The following PTPRN2 variants were observed in gnomAD, a reference collection of about 807,000 sequenced individuals.
PTPRN2 encodes the protein protein tyrosine phosphatase receptor type N2, also known as receptor-type tyrosine-protein phosphatase N2.
Under a neutral mutation model 118.8 loss-of-function variants are expected in PTPRN2, and 74 were observed. The ratio of observed to expected loss-of-function variants is 0.62; its 90% confidence interval spans 0.52 to 0.76. PTPRN2 has a LOEUF of 0.76. Among genes scored for constraint, PTPRN2 ranks in the 30% least tolerant of loss-of-function variants. The probability of loss-of-function intolerance (pLI) is 0.00; values close to 1 mark genes in which losing one functional copy is unlikely to be tolerated. For missense variants in PTPRN2, 1,481 were observed against 1,394.4 expected (o/e 1.06, Z -0.99); for synonymous variants, 641 against 608.0 (o/e 1.05, Z -0.80).
intron 11 of PTPRN2, among the ~76,000 whole-genome samples, chr7:157,975,241 G>T (rs1802654466): frequency 6.6e-6 from 1 of 152,116 alleles, no homozygotes; most frequent in Non-Finnish European, 1.5e-5. Context: ...TCCACCCCAT[G>T]ATTCCAACCA....
intron 12 of PTPRN2, among the ~76,000 whole-genome samples, chr7:157,725,405 A>C (rs13308992): frequency 1.6e-3 from 32 of 20,544 alleles, no homozygotes; most frequent in Admixed American, 5.6e-3. Flanking sequence ...ATATCTACAC[A>C]CAGAGGAGTG....
chr7:157,759,119 C>T (rs1585396057), intron 12 of PTPRN2, among the ~76,000 whole-genome samples: 1 of 152,254 alleles, frequency 6.6e-6, no homozygotes, highest in African/African-American at 2.4e-5. Context: ...GCCCTTCAGA[C>T]CTGCCTGGGG....
rs1304808500 is a variant in PTPRN2 at position 157,944,429 on chromosome 7, A to G, written c.1724-45692T>C. ...TTGAATTAATGTGTTAAGTGGCACAAATATGTGTTTATCGAGAGAAACCTA... is the reference window on the plus strand; with the variant it reads ...TTGAATTAATGTGTTAAGTGGCACAGATATGTGTTTATCGAGAGAAACCTA... On this transcript the variant is annotated intron_variant, in intron 11 of 22. Transcript: ENST00000389418. This position sits in a 1 kb window ranked among gnomAD's most constrained non-coding sequence, Gnocchi z 4.3. 1.3e-5 allele frequency among the ~76,000 whole-genome samples: 2 copies of G among 152,206 alleles called. No homozygotes were observed. The highest frequency in any genetic ancestry group is 4.8e-5 in the African/African-American group (2 of 41,454).
At chr7:158,418,524 G>A (rs1203810693) in intron 2 of PTPRN2, among the ~76,000 whole-genome samples, 1 of 69,856 alleles carries the variant, frequency 1.4e-5, no homozygotes, top group African/African-American at 4.0e-5. Context: ...TTAAGTCACA[G>A]TGTACTACAT....
chr7:158,366,490 C>G (rs916059993), intron 2 of PTPRN2, among the ~76,000 whole-genome samples: 1 of 152,264 alleles, frequency 6.6e-6, no homozygotes, highest in Non-Finnish European at 1.5e-5. Context: ...AGCTGCAGCA[C>G]ATGTGTAAGC....
chr7:158,429,407 C>T (rs575211713), intron 2 of PTPRN2, among the ~76,000 whole-genome samples: 3 of 152,246 alleles, frequency 2.0e-5, no homozygotes, highest in African/African-American at 7.2e-5. Context: ...TTCTCCAGGA[C>T]CTTCCCGCCA....
chr7:158,141,451 G>A (rs1054627682), intron 6 of PTPRN2, among the ~76,000 whole-genome samples: 7 of 152,194 alleles, frequency 4.6e-5, no homozygotes, highest in Non-Finnish European at 7.3e-5. Context: ...CACTGCATAC[G>A]CAGGACAGGA....
intron 2 of PTPRN2, among the ~76,000 whole-genome samples, chr7:158,428,443 A>T (rs1253106657): frequency 6.6e-6 from 1 of 152,032 alleles, no homozygotes; most frequent in African/African-American, 2.4e-5. Context: ...AGAAAACTAA[A>T]ATTATTTGTA....
chr7:158,255,230 G>A (rs73176135), intron 3 of PTPRN2, among the ~76,000 whole-genome samples: 6,549 of 152,296 alleles, frequency 0.043, 207 homozygotes, highest in Middle Eastern at 0.09. Context: ...AAGACTTCAC[G>A]CGAGCACAGC....
chr7:158,150,416 G>A (rs1820857793), intron 6 of PTPRN2, among the ~76,000 whole-genome samples: 1 of 152,180 alleles, frequency 6.6e-6, no homozygotes, highest in Non-Finnish European at 1.5e-5. Flanking sequence ...ACCCTCAGCA[G>A]CTCGAAAAGT....
chr7:157,857,245 G>T (rs560745393), intron 12 of PTPRN2: 2 of 152,282 alleles, frequency 1.3e-5, no homozygotes, highest in African/African-American at 2.4e-5. Context: ...AGCTGGGCCC[G>T]TGTGGGGCGG....
chr7:158,113,640 A>C (rs1479949327), intron 9 of PTPRN2, among the ~76,000 whole-genome samples: 1 of 152,186 alleles, frequency 6.6e-6, no homozygotes, highest in East Asian at 1.9e-4. Context: ...CTAGCCTCAG[A>C]GCGCAGCTGC....
Position 158,534,126 on chromosome 7 carries a change from C to G in PTPRN2, c.113-44341G>C, listed in dbSNP as rs569418434. Among the ~76,000 whole-genome samples, 291 of 114,354 alleles carry G rather than the reference C, an allele frequency of 2.5e-3. 10 individuals carry two copies. The highest frequency in any genetic ancestry group is 9.0e-3 in the African/African-American group (278 of 30,776). 75.0% of individuals were successfully genotyped at this position (114,354 alleles called of 152,430 possible). On this transcript the variant is annotated intron_variant, in intron 1 of 22. Transcript: ENST00000389418. ...TGACCACCCACGCCCTGGGCTCCGT[C>G]AGGGATGGCTGTGGGTGCAGGTTGT...
chr7:158,101,079 A>T (rs1357011281), intron 10 of PTPRN2, among the ~76,000 whole-genome samples: 1 of 152,230 alleles, frequency 6.6e-6, no homozygotes, highest in Non-Finnish European at 1.5e-5. Flanking sequence ...AAGACTAAGC[A>T]AAAAGAACAA....
chr7:157,755,729 A>AG (rs1202557172), intron 12 of PTPRN2, among the ~76,000 whole-genome samples: 2 of 151,980 alleles, frequency 1.3e-5, no homozygotes, highest in African/African-American at 4.8e-5. Context: ...CCCCAGAGGG[A>AG]GGGGGTAGGA....
At chr7:158,363,497 G>A (rs1396959750) in intron 2 of PTPRN2, among the ~76,000 whole-genome samples, 4 of 152,174 alleles carry the variant, frequency 2.6e-5, no homozygotes, top group Non-Finnish European at 5.9e-5. Flanking sequence ...CAGCCCCGTC[G>A]AAGCCTGCAC....
chr7:158,289,268 G>A (rs1799956492), intron 3 of PTPRN2, among the ~76,000 whole-genome samples: 1 of 152,102 alleles, frequency 6.6e-6, no homozygotes, highest in East Asian at 1.9e-4. Context: ...CAGTCCCTTG[G>A]TCTCTCTTCT....
At chr7:157,891,090 A>G (rs1446544402) in intron 12 of PTPRN2, among the ~76,000 whole-genome samples, 1 of 152,164 alleles carries the variant, frequency 6.6e-6, no homozygotes, top group African/African-American at 2.4e-5. Context: ...GGGTGTGCAG[A>G]ACCAGGCATC....
At chr7:157,849,726 C>T (rs959174036) in intron 12 of PTPRN2, among the ~76,000 whole-genome samples, 7 of 152,188 alleles carry the variant, frequency 4.6e-5, no homozygotes, top group Admixed American at 2.6e-4. Flanking sequence ...TCCAGGTGGC[C>T]GTCATTTCCC....
Sources: gnomAD v4.1 joint callset for allele counts (sites outside exome capture counted in the v4.1 genomes callset) on GRCh38, gnomAD v4.1.1 for gene constraint, Gnocchi (gnomAD v3.1) non-coding constraint, MANE v1.5 for transcripts, NCBI Gene and HGNC (gene_info 2026-07-23, HGNC 2026-07-21) for gene names.